Variants in PDE1A observed in about 807,000 individuals in gnomAD.
PDE1A encodes the protein dual specificity calcium/calmodulin-dependent 3',5'-cyclic nucleotide phosphodiesterase 1A.
PDE1A carries 35 observed loss-of-function variants against 61.7 expected under a neutral mutation model. That is an observed-to-expected ratio of 0.57 (90% CI 0.43 to 0.75). PDE1A has a LOEUF of 0.75. Among genes scored for constraint, PDE1A ranks in the 30% least tolerant of loss-of-function variants. PDE1A has a pLI of 0.00. For synonymous variants in PDE1A, 232 were observed against 213.2 expected (o/e 1.09, Z -0.77); for missense variants, 597 against 630.6 (o/e 0.95, Z 0.57).
At chr2:182,298,659 T>C (rs1695044686) in intron 1 of PDE1A, among the ~76,000 whole-genome samples, 1 of 152,028 alleles carries the variant, frequency 6.6e-6, no homozygotes, top group Admixed American at 6.6e-5. Context: ...CTTGCCCCAC[T>C]TTACCTCATT....
the PDE1A span, among the ~76,000 whole-genome samples, chr2:182,651,138 C>G: frequency 6.6e-6 from 1 of 152,182 alleles, no homozygotes; most frequent in Non-Finnish European, 1.5e-5. Context: ...TCCTGAGTAG[C>G]TGGGATTACA....
chr2:182,546,129 T>C, the PDE1A span, among the ~76,000 whole-genome samples: 1 of 152,152 alleles, frequency 6.6e-6, no homozygotes, highest in Admixed American at 6.5e-5. Flanking sequence ...AAGCAAGTGT[T>C]GGTAATCATC....
At chr2:182,659,556 C>T in the PDE1A span, among the ~76,000 whole-genome samples, 1 of 152,080 alleles carries the variant, frequency 6.6e-6, no homozygotes, top group Non-Finnish European at 1.5e-5. Context: ...AGTTATGTCT[C>T]TATTATTTTA....
chr2:182,222,018 C>T (rs1688768187), intron 7 of PDE1A, among the ~76,000 whole-genome samples: 1 of 151,940 alleles, frequency 6.6e-6, no homozygotes, highest in Non-Finnish European at 1.5e-5. Flanking sequence ...ATAACTCCCA[C>T]ATCTGGAAAA....
At chr2:182,461,691 T>G (rs937708495) in intron 2 of PDE1A, among the ~76,000 whole-genome samples, 6 of 152,240 alleles carry the variant, frequency 3.9e-5, no homozygotes, top group African/African-American at 1.4e-4. Context: ...AGGAAATACG[T>G]AGGACCTATA....
rs1014438269 is a variant in PDE1A at position 182,451,236 on chromosome 2, G to A, written c.101+71040C>T. 8.7e-5 allele frequency among the ~76,000 whole-genome samples: 6 copies of A among 69,268 alleles called. 2 individuals carry two copies. Among genetic ancestry groups the A allele is most frequent in the Admixed American group, 5.8e-4 (4 of 6,894 alleles). 45.4% of individuals were successfully genotyped at this position (69,268 alleles called of 152,430 possible). On this transcript the variant is annotated intron_variant, in intron 2 of 14. Transcript: ENST00000410103. The stretch of plus-strand genomic sequence containing the variant: ...TACTAAAAATACAAAAAAATTAGCC[G>A]GGCGTAGTGGCGGGCGCCTGTAGTC...
intron 1 of PDE1A, among the ~76,000 whole-genome samples, chr2:182,316,178 C>T (rs1696330392): frequency 6.6e-6 from 1 of 152,190 alleles, no homozygotes; most frequent in African/African-American, 2.4e-5. Context: ...ATTATTCTAA[C>T]TCATCCATGT....
At chr2:182,219,132 T>G (rs538213202) in intron 7 of PDE1A, among the ~76,000 whole-genome samples, 1 of 152,092 alleles carries the variant, frequency 6.6e-6, no homozygotes, top group Non-Finnish European at 1.5e-5. Flanking sequence ...TTTATTGTTA[T>G]AGATCCTTTT....
At chr2:182,374,664 G>C (rs1700294354) in intron 1 of PDE1A, among the ~76,000 whole-genome samples, 1 of 152,008 alleles carries the variant, frequency 6.6e-6, no homozygotes, top group Non-Finnish European at 1.5e-5. Context: ...CATGATACTA[G>C]AATAAACACT....
chr2:182,148,893 A>G (rs907703679), intron 13 of PDE1A, among the ~76,000 whole-genome samples: 24 of 152,178 alleles, frequency 1.6e-4, no homozygotes, highest in African/African-American at 5.3e-4. Flanking sequence ...AGAAGTCTTT[A>G]AAGAAATCAT....
chr2:182,628,054 G>GCA, the PDE1A span, among the ~76,000 whole-genome samples: 19,479 of 150,728 alleles, frequency 0.13, 1,319 homozygotes, highest in African/African-American at 0.18. Flanking sequence ...GTGTATGTGT[G>GCA]CACACACACA....
the PDE1A span, among the ~76,000 whole-genome samples, chr2:182,536,941 G>A: frequency 6.6e-6 from 1 of 152,166 alleles, no homozygotes; most frequent in Non-Finnish European, 1.5e-5. Context: ...ACGTGTTCTA[G>A]TCCCCAGCTT....
intron 2 of PDE1A, among the ~76,000 whole-genome samples, chr2:182,252,218 AT>A (rs1411032649): frequency 1.3e-5 from 2 of 152,146 alleles, no homozygotes; most frequent in Non-Finnish European, 2.9e-5. Flanking sequence ...GAATAAAGTC[AT>A]TTTTATTTGC....
At chr2:182,185,680 T>C in intron 13 of PDE1A, 1 of 778,976 alleles carries the variant, frequency 1.3e-6, no homozygotes, top group East Asian at 2.9e-5. Flanking sequence ...CACACAGATC[T>C]GCAGCCCATG....
the PDE1A span, among the ~76,000 whole-genome samples, chr2:182,559,920 C>A: frequency 2.0e-5 from 3 of 151,898 alleles, no homozygotes; most frequent in East Asian, 5.8e-4. Flanking sequence ...GCAAAGCTAA[C>A]CCATATTTGT....
the PDE1A span, among the ~76,000 whole-genome samples, chr2:182,704,850 T>A: frequency 1.3e-5 from 2 of 152,240 alleles, no homozygotes; most frequent in African/African-American, 4.8e-5. Flanking sequence ...AGAATTATCA[T>A]GAAAGTAGTT....
At chr2:182,441,474 CA>C (rs1427084908) in intron 2 of PDE1A, among the ~76,000 whole-genome samples, 27 of 151,946 alleles carry the variant, frequency 1.8e-4, no homozygotes, top group Non-Finnish European at 5.9e-5. Context: ...AAATAGGTAC[CA>C]TGGCATTGGC....
At chr2:182,386,950 T>G (rs1701141968) in intron 1 of PDE1A, among the ~76,000 whole-genome samples, 1 of 152,224 alleles carries the variant, frequency 6.6e-6, no homozygotes. Context: ...TGGGCCATGA[T>G]GACGACGGCG....
chr2:182,196,667 C>A (rs1574650555), intron 10 of PDE1A, among the ~76,000 whole-genome samples: 1 of 151,694 alleles, frequency 6.6e-6, no homozygotes, highest in East Asian at 1.9e-4. Context: ...ATTTCTATCA[C>A]CATATATTAA....
Sources: gnomAD v4.1 joint callset for allele counts (sites outside exome capture counted in the v4.1 genomes callset) on GRCh38, gnomAD v4.1.1 for gene constraint, MANE v1.5 for transcripts, NCBI Gene and HGNC (gene_info 2026-07-23, HGNC 2026-07-21) for gene names.